The following NAALADL2 variants were observed in gnomAD, a reference collection of about 807,000 sequenced individuals.
NAALADL2 encodes N-acetylated alpha-linked acidic dipeptidase like 2.
In NAALADL2, 76 loss-of-function variants were observed where a neutral mutation model predicts 87.2. That is an observed-to-expected ratio of 0.87 (90% CI 0.72 to 1.05). NAALADL2 has a LOEUF of 1.05. Ranked by LOEUF, NAALADL2 falls within the 50% of genes least tolerant of loss-of-function variation. The pLI is 0.00. For missense variants in NAALADL2, 1,089 were observed against 945.8 expected, an observed-to-expected ratio of 1.15 and a Z score of -1.99; for synonymous variants, 354 against 331.0, an observed-to-expected ratio of 1.07 and a Z score of -0.75.
chr3:175,236,119 T>G (rs1054942349), intron 3 of NAALADL2, among the ~76,000 whole-genome samples: 1 of 152,130 alleles, frequency 6.6e-6, no homozygotes, highest in African/African-American at 2.4e-5. Context: ...GGAGATTCAC[T>G]GGATCTGGAA....
At chr3:175,341,043 C>G (rs1314814596) in intron 5 of NAALADL2, among the ~76,000 whole-genome samples, 1 of 151,794 alleles carries the variant, frequency 6.6e-6, no homozygotes, top group African/African-American at 2.4e-5. Context: ...ATAAAATTCA[C>G]CATTTTAAAT....
In NAALADL2 at chr3:175,323,411, C is replaced by G. The variant is rs567048913; in HGVS notation, c.940-764C>G. Among the ~76,000 whole-genome samples, 102 of 149,746 alleles carry G rather than the reference C, an allele frequency of 6.8e-4. 4 individuals are homozygous for G. Among genetic ancestry groups the G allele is most frequent in the East Asian group, 4.0e-4 (2 of 5,008 alleles). ...CTAGATGACGAGTTAGTGGGTGCAG[C>G]GCAGCAGCATGGCACATGTATACAT... On this transcript the variant is annotated intron_variant, in intron 4 of 13. Coordinates refer to ENST00000454872, the MANE Select transcript of NAALADL2 (RefSeq NM_207015.3).
intron 11 of NAALADL2, among the ~76,000 whole-genome samples, chr3:175,725,773 T>A (rs1334757707): frequency 3.3e-5 from 5 of 152,166 alleles, no homozygotes; most frequent in Admixed American, 3.3e-4. Context: ...AATGCTTCTA[T>A]TTTCTCATGC....
In NAALADL2 at chr3:174,913,326, A is replaced by G. The variant is rs375478337; in HGVS notation, c.43+53876A>G. Among the ~76,000 whole-genome samples the G allele has an allele frequency of 3.3e-5, 5 of 152,160 alleles. No individual in the cohort carries two copies. The East Asian group carries it at 9.6e-4, about 29-fold the overall frequency. On this transcript the variant is annotated intron_variant, in intron 1 of 13. Coordinates refer to ENST00000454872, the MANE Select transcript of NAALADL2 (RefSeq NM_207015.3). ...TATTCTAGTGGCTTATTTAGGTGTC[A>G]CAGGTTCATCCCTCACTATTTTCCT...
At chr3:175,179,130 A>T (rs1736098189) in intron 2 of NAALADL2, among the ~76,000 whole-genome samples, 1 of 152,012 alleles carries the variant, frequency 6.6e-6, no homozygotes, top group Non-Finnish European at 1.5e-5. Flanking sequence ...AAGTTATTTT[A>T]CTTTCCTAAC....
chr3:175,182,550 G>GTTTTTTTTTTT lies in NAALADL2; in HGVS notation c.546-51363_546-51353dup, dbSNP rs1161831796. On this transcript the variant is annotated intron_variant, in intron 2 of 13. Coordinates refer to ENST00000454872, the MANE Select transcript of NAALADL2 (RefSeq NM_207015.3). ...CTATAAGTCCATGACACCACAGCCA[G>GTTTTTTTTTTT]TTTTTTTTTTTTTTTTTTTTTTTTT... Among the ~76,000 whole-genome samples, 17 of 69,474 alleles carry GTTTTTTTTTTT rather than the reference G, an allele frequency of 2.4e-4. 1 individual carries two copies. Among genetic ancestry groups the GTTTTTTTTTTT allele is most frequent in the South Asian group, 6.1e-4 (1 of 1,646 alleles). 45.6% of individuals were successfully genotyped at this position (69,474 alleles called of 152,430 possible). A position where few individuals can be genotyped will look rare whatever the true frequency, so the allele number is the denominator to read the frequency against.
Position 175,599,051 on chromosome 3 carries a change from T to C in NAALADL2, c.1800+22864T>C, listed in dbSNP as rs188441157. 1.2e-4 allele frequency among the ~76,000 whole-genome samples: 19 copies of C among 152,282 alleles called. No homozygotes were observed. In the East Asian group the frequency reaches 3.7e-3, roughly 29 times the overall value. On this transcript the variant is annotated intron_variant, in intron 10 of 13. Coordinates refer to ENST00000454872, the MANE Select transcript of NAALADL2 (RefSeq NM_207015.3). Reference sequence around the variant, plus strand: ...ACTTAGCGCCTTGGAAGAACATCTTTGTTATACTCTTCATGGTGTGGCCTC... The same window carrying C: ...ACTTAGCGCCTTGGAAGAACATCTTCGTTATACTCTTCATGGTGTGGCCTC...
Position 175,074,866 on chromosome 3 carries a change from C to A in NAALADL2, c.44-21924C>A, listed in dbSNP as rs553913246. ...TCTACTATTATGTTAGTTAAGTATT[C>A]TTCGTAATAAGAGAAAAAGGAGGAG... On this transcript the variant is annotated intron_variant, in intron 1 of 13. Transcript: ENST00000454872. Among the ~76,000 whole-genome samples, 5 of 151,202 alleles carry A rather than the reference C, an allele frequency of 3.3e-5. No homozygotes were observed. In the East Asian group the frequency reaches 9.8e-4, roughly 30 times the overall value.
At chr3:175,190,466 G>T (rs1324949101) in intron 2 of NAALADL2, among the ~76,000 whole-genome samples, 2 of 152,102 alleles carry the variant, frequency 1.3e-5, no homozygotes, top group African/African-American at 2.4e-5. Context: ...TTAATTATCA[G>T]GGATATGCAA....
At chr3:175,591,767 G>GGT (rs1277057893) in intron 10 of NAALADL2, among the ~76,000 whole-genome samples, 1,074 of 44,126 alleles carry the variant, frequency 0.024, 7 homozygotes, top group African/African-American at 0.033. Flanking sequence ...ATGCGCATGT[G>GGT]GTGTGTGTGT....
intron 4 of NAALADL2, among the ~76,000 whole-genome samples, chr3:175,298,380 A>G (rs1390139825): frequency 6.6e-6 from 1 of 152,144 alleles, no homozygotes; most frequent in Non-Finnish European, 1.5e-5. Flanking sequence ...CTTAGTTGTG[A>G]CTTCTTGGAG....
chr3:174,881,017 C>T (rs910664402), intron 1 of NAALADL2, among the ~76,000 whole-genome samples: 6 of 152,092 alleles, frequency 3.9e-5, no homozygotes, highest in African/African-American at 1.2e-4. Flanking sequence ...GGTCTTAACT[C>T]TCCTTCTGTT....
intron 1 of NAALADL2, among the ~76,000 whole-genome samples, chr3:174,872,397 G>A (rs1398729003): frequency 6.6e-6 from 1 of 152,024 alleles, no homozygotes; most frequent in African/African-American, 2.4e-5. Flanking sequence ...CCGGGATTCG[G>A]GATTCAAACT....
At chr3:175,227,120 G>A (rs941646266) in intron 2 of NAALADL2, among the ~76,000 whole-genome samples, 1 of 152,058 alleles carries the variant, frequency 6.6e-6, no homozygotes, top group East Asian at 1.9e-4. Flanking sequence ...TTTTTTCCAT[G>A]TGTACTTCTA....
chr3:175,637,309 T>A (rs1268671424), intron 11 of NAALADL2, among the ~76,000 whole-genome samples: 1 of 152,208 alleles, frequency 6.6e-6, no homozygotes, highest in Non-Finnish European at 1.5e-5. Flanking sequence ...TCAGCCATAG[T>A]TTAGAAGAGC....
At chr3:175,536,760 G>A (rs1003066564) in intron 9 of NAALADL2, among the ~76,000 whole-genome samples, 1 of 152,124 alleles carries the variant, frequency 6.6e-6, no homozygotes, top group African/African-American at 2.4e-5. Context: ...TGATCTGCCC[G>A]TCTCTTCCTC....
intron 2 of NAALADL2, among the ~76,000 whole-genome samples, chr3:175,180,646 A>G (rs1012658465): frequency 3.3e-5 from 5 of 151,358 alleles, no homozygotes; most frequent in Admixed American, 6.6e-5. Context: ...TCATGAAATG[A>G]GAAAGAGGAC....
At chr3:175,215,173 C>T (rs985484744) in intron 2 of NAALADL2, among the ~76,000 whole-genome samples, 2 of 152,180 alleles carry the variant, frequency 1.3e-5, no homozygotes, top group Admixed American at 6.6e-5. Context: ...TCCTGAACCT[C>T]GGTTTTCTCA....
chr3:175,404,906 T>G (rs1581749818), intron 5 of NAALADL2, among the ~76,000 whole-genome samples: 1 of 152,308 alleles, frequency 6.6e-6, no homozygotes, highest in East Asian at 1.9e-4. Flanking sequence ...CAGTTGTATT[T>G]GAATGAAATA....
Sources: allele counts gnomAD v4.1 joint callset (sites outside exome capture counted in the v4.1 genomes callset), GRCh38; gene constraint gnomAD v4.1.1; transcripts MANE v1.5; gene names NCBI Gene and HGNC (gene_info 2026-07-23, HGNC 2026-07-21).